Variants in RIT2 observed in about 807,000 individuals in gnomAD.
RIT2 encodes Ras like without CAAX 2, also known as GTP-binding protein Rit2.
RIT2 carries 24 observed loss-of-function variants against 23.7 expected under a neutral mutation model. The observed-to-expected ratio is 1.01, with a 90% confidence interval of 0.73 to 1.43. RIT2 has a LOEUF of 1.43. Ranked by LOEUF, RIT2 falls within the 40% of genes most tolerant of loss-of-function variation. The probability of loss-of-function intolerance (pLI) is 0.00; values close to 1 mark genes in which losing one functional copy is unlikely to be tolerated. For synonymous variants in RIT2, 107 were observed against 91.1 expected, an observed-to-expected ratio of 1.17 and a Z score of -0.99; for missense variants, 236 against 266.9, an observed-to-expected ratio of 0.88 and a Z score of 0.81.
intron 4 of RIT2, among the ~76,000 whole-genome samples, chr18:42,839,011 A>C (rs1906693094): frequency 6.6e-6 from 1 of 152,212 alleles, no homozygotes; most frequent in Non-Finnish European, 1.5e-5. Context: ...TAGGCATCAC[A>C]ACACCCAGCC....
intron 3 of RIT2, among the ~76,000 whole-genome samples, chr18:42,943,703 A>T (rs138782308): frequency 7.9e-5 from 12 of 152,214 alleles, no homozygotes; most frequent in African/African-American, 2.9e-4. Flanking sequence ...TCTTGTTTGT[A>T]TATATTAGCC....
rs1296331523 is a variant in RIT2, at chr18:43,013,231, T to C, written c.160+20580A>G. 2.0e-5 allele frequency among the ~76,000 whole-genome samples: 3 copies of C among 152,052 alleles called. No homozygotes were observed. The East Asian group carries it at 5.8e-4, about 30-fold the overall frequency. ...TTTGAACGCCAAATTCTGGCACTTT[T>C]GTTTAAAAATTGTTATAGTACTTTA... On this transcript the variant is annotated intron_variant, in intron 2 of 4. Transcript: ENST00000326695.
chr18:42,785,377 A>G (rs949942465), intron 4 of RIT2, among the ~76,000 whole-genome samples: 7 of 151,848 alleles, frequency 4.6e-5, no homozygotes, highest in Admixed American at 4.6e-4. Flanking sequence ...GTTTATAATC[A>G]TCCCAGTACA....
Position 42,927,369 on chromosome 18 carries a change from G to GGTGTGTGT in RIT2, c.235-3614_235-3607dup, listed in dbSNP as rs60819423. On this transcript the variant is annotated intron_variant, in intron 3 of 4. Transcript: ENST00000326695. ...CGTATATATGTTTCCATGTGGATGT[G>GGTGTGTGT]GTGTGTGTGTGTGTGTGTGTGTGTG... is the stretch of plus-strand genomic sequence containing the variant. Among the ~76,000 whole-genome samples the GGTGTGTGT allele has an allele frequency of 5.9e-3, 873 of 147,928 alleles. 5 individuals are homozygous for GGTGTGTGT. Among genetic ancestry groups the GGTGTGTGT allele is most frequent in the African/African-American group, 0.02 (807 of 40,010 alleles).
At chr18:42,760,562 G>A (rs1913276663) in intron 4 of RIT2, among the ~76,000 whole-genome samples, 2 of 152,172 alleles carry the variant, frequency 1.3e-5, no homozygotes, top group African/African-American at 4.8e-5. Context: ...ATCTCACTGA[G>A]ATACACTGGA....
intron 4 of RIT2, among the ~76,000 whole-genome samples, chr18:42,795,791 C>T (rs1905332591): frequency 6.6e-6 from 1 of 152,168 alleles, no homozygotes; most frequent in Non-Finnish European, 1.5e-5. Flanking sequence ...GTAAACACAC[C>T]AATCAGCACC....
intron 3 of RIT2, among the ~76,000 whole-genome samples, chr18:42,931,845 C>G (rs1909333282): frequency 6.6e-6 from 1 of 152,012 alleles, no homozygotes; most frequent in East Asian, 1.9e-4. Flanking sequence ...ATAAGAAAAT[C>G]CACATGACAA....
chr18:42,923,347 A>T, intron 4 of RIT2: 1 of 511,896 alleles, frequency 2.0e-6, no homozygotes, highest in Non-Finnish European at 3.5e-6. Flanking sequence ...CCCAGATCCT[A>T]GGGGATAGGG....
At chr18:42,767,785 G>A (rs1030816605) in intron 4 of RIT2, among the ~76,000 whole-genome samples, 17 of 152,140 alleles carry the variant, frequency 1.1e-4, no homozygotes, top group South Asian at 2.1e-4. Context: ...ATGAAAGTCA[G>A]TCTTTCCCGT....
At chr18:42,926,827 C>A (rs1011314526) in intron 3 of RIT2, among the ~76,000 whole-genome samples, 2 of 152,032 alleles carry the variant, frequency 1.3e-5, no homozygotes, top group East Asian at 3.9e-4. Flanking sequence ...GAATATATAA[C>A]TGAATGTATG....
chr18:42,975,969 T>C (rs774686622), intron 2 of RIT2, among the ~76,000 whole-genome samples: 11 of 152,114 alleles, frequency 7.2e-5, no homozygotes, highest in Non-Finnish European at 1.5e-4. Context: ...TTTAGAATGC[T>C]GTGTTTTCAT....
At position 42,910,815 on chromosome 18, in the gene RIT2, G is replaced by C. The variant is rs1319367992; in HGVS notation, c.426+12757C>G. ...AAACAACGGAACTTCAAAATACATA[G>C]AGCAAAAACCGATAGAGCAGAATGA... is the stretch of plus-strand genomic sequence containing the variant. On this transcript the variant is annotated intron_variant, in intron 4 of 4. Transcript: ENST00000326695. Among the ~76,000 whole-genome samples, 4 of 152,154 alleles carry C rather than the reference G, an allele frequency of 2.6e-5. No individual in the cohort carries two copies. The South Asian group carries it at 6.2e-4, about 24-fold the overall frequency.
At chr18:42,761,005 C>T (rs771050605) in intron 4 of RIT2, among the ~76,000 whole-genome samples, 4 of 152,152 alleles carry the variant, frequency 2.6e-5, no homozygotes, top group Non-Finnish European at 5.9e-5. Flanking sequence ...TTGAATCAGA[C>T]CTAAAAGCAT....
At chr18:42,826,189 T>A (rs552670192) in intron 4 of RIT2, among the ~76,000 whole-genome samples, 1 of 152,044 alleles carries the variant, frequency 6.6e-6, no homozygotes, top group Non-Finnish European at 1.5e-5. Flanking sequence ...AAAATCCTAA[T>A]TGGGTTTATA....
At chr18:43,001,652 C>T (rs1466388503) in intron 2 of RIT2, among the ~76,000 whole-genome samples, 1 of 151,928 alleles carries the variant, frequency 6.6e-6, no homozygotes, top group Non-Finnish European at 1.5e-5. Flanking sequence ...AGAAATAGTG[C>T]TTGTCTTATT....
intron 1 of RIT2, among the ~76,000 whole-genome samples, chr18:43,083,355 T>C (rs1041523833): frequency 2.0e-5 from 3 of 152,220 alleles, no homozygotes; most frequent in Non-Finnish European, 2.9e-5. Context: ...CCATTGACTT[T>C]CTTCACAGAA....
Position 42,794,001 on chromosome 18 carries a change from T to TC in RIT2, c.427-50282_427-50281insG, listed in dbSNP as rs1009645857. Among the ~76,000 whole-genome samples the TC allele has an allele frequency of 1.6e-3, 243 of 152,272 alleles. 1 individual carries two copies. The highest frequency in any genetic ancestry group is 2.6e-3 in the Non-Finnish European group (178 of 68,016). ...CTCATTAGCACCCTACAATTAACTT[T>TC]TTTTTTTTCCTGAGACTGTCGTATA... is the stretch of plus-strand genomic sequence containing the variant. On this transcript the variant is annotated intron_variant, in intron 4 of 4. Coordinates refer to ENST00000326695, the MANE Select transcript of RIT2 (RefSeq NM_002930.4).
intron 3 of RIT2, among the ~76,000 whole-genome samples, chr18:42,960,300 T>C (rs979265591): frequency 5.3e-5 from 8 of 152,098 alleles, no homozygotes; most frequent in African/African-American, 1.9e-4. Flanking sequence ...CTGACAATGT[T>C]TTTTTGTTTG....
At chr18:43,112,690 G>A (rs1383918405) in intron 1 of RIT2, among the ~76,000 whole-genome samples, 1 of 152,024 alleles carries the variant, frequency 6.6e-6, no homozygotes. Flanking sequence ...CATTGCTTGA[G>A]GCCAGAAGTT....
Sources: allele counts gnomAD v4.1 joint callset (sites outside exome capture counted in the v4.1 genomes callset), GRCh38; gene constraint gnomAD v4.1.1; transcripts MANE v1.5; gene names NCBI Gene and HGNC (gene_info 2026-07-23, HGNC 2026-07-21).